The following MALRD1 variants were observed in gnomAD, a reference collection of about 807,000 sequenced individuals.
The protein encoded by MALRD1 is MAM and LDL-receptor class A domain-containing protein 1.
In MALRD1, 247 loss-of-function variants were observed where a neutral mutation model predicts 242.1. The observed-to-expected ratio is 1.02, with a 90% CI of 0.92 to 1.13. MALRD1 has a LOEUF of 1.13. Ranked by LOEUF, MALRD1 falls within the 50% of genes most tolerant of loss-of-function variation. The pLI, the probability that MALRD1 is intolerant of heterozygous loss-of-function variation, is 0.00. For synonymous variants in MALRD1, 995 were observed against 866.6 expected (o/e 1.15, Z -2.60); for missense variants, 2,989 against 2,533.1 (o/e 1.18, Z -3.86).
intron 14 of MALRD1, among the ~76,000 whole-genome samples, chr10:19,191,367 G>A (rs7094873): frequency 0.46 from 70,595 of 151,990 alleles, 16,639 homozygotes; most frequent in Admixed American, 0.51. Context: ...GAGGATGTGG[G>A]AATCAGAACT....
chr10:19,728,887 T>C (rs1445836878), intron 38 of MALRD1, among the ~76,000 whole-genome samples: 1 of 152,150 alleles, frequency 6.6e-6, no homozygotes, highest in African/African-American at 2.4e-5. Context: ...AGACTAGTCT[T>C]GAATAAAGTA....
At chr10:19,138,417 A>T (rs1217004752) in intron 10 of MALRD1, among the ~76,000 whole-genome samples, 4 of 138,056 alleles carry the variant, frequency 2.9e-5, no homozygotes, top group Admixed American at 7.7e-5. Context: ...CTTTCCACGT[A>T]TTTAATTTTT....
intron 5 of MALRD1, among the ~76,000 whole-genome samples, chr10:19,110,356 A>G (rs1836633839): frequency 1.3e-5 from 2 of 152,208 alleles, no homozygotes; most frequent in Non-Finnish European, 1.5e-5. Flanking sequence ...TGGAACATGT[A>G]AAGTTCTCGT....
At chr10:19,669,716 C>T (rs1841826698) in intron 36 of MALRD1, among the ~76,000 whole-genome samples, 1 of 152,064 alleles carries the variant, frequency 6.6e-6, no homozygotes, top group African/African-American at 2.4e-5. Flanking sequence ...GATCATTAAT[C>T]CTCATAACGC....
chr10:19,171,451 T>C (rs1419290570), intron 13 of MALRD1, among the ~76,000 whole-genome samples: 6 of 73,018 alleles, frequency 8.2e-5, no homozygotes, highest in Admixed American at 1.8e-4. Context: ...TATATATATA[T>C]ATATATACAC....
intron 21 of MALRD1, among the ~76,000 whole-genome samples, chr10:19,296,199 T>C (rs1306748706): frequency 6.6e-6 from 1 of 152,130 alleles, no homozygotes; most frequent in East Asian, 1.9e-4. Flanking sequence ...AAATATAGTT[T>C]CTTCATAACT....
intron 33 of MALRD1, among the ~76,000 whole-genome samples, 166 bp downstream of exon 33, chr10:19,567,869 CT>C (rs1836326965): frequency 6.6e-6 from 1 of 152,144 alleles, no homozygotes; most frequent in African/African-American, 2.4e-5. Flanking sequence ...TGCCTATGAA[CT>C]TCGCCATGAA....
intron 33 of MALRD1, among the ~76,000 whole-genome samples, chr10:19,579,857 C>G (rs546966340): frequency 6.6e-6 from 1 of 152,226 alleles, no homozygotes; most frequent in Non-Finnish European, 1.5e-5. Context: ...AATACTGGGC[C>G]TAAAGTTAGA....
At chr10:19,129,950 ATC>A (rs927444456) in intron 8 of MALRD1, among the ~76,000 whole-genome samples, 3 of 150,576 alleles carry the variant, frequency 2.0e-5, no homozygotes, top group African/African-American at 7.3e-5. Context: ...ATATATATAT[ATC>A]TCTATCTCCC....
chr10:19,179,878 C>G (rs928817075), intron 14 of MALRD1, among the ~76,000 whole-genome samples: 1 of 152,058 alleles, frequency 6.6e-6, no homozygotes, highest in Non-Finnish European at 1.5e-5. Flanking sequence ...CTTTAAGAGT[C>G]TCCTTTCAGT....
intron 29 of MALRD1, among the ~76,000 whole-genome samples, chr10:19,467,371 C>A (rs530436502): frequency 6.4e-5 from 5 of 77,826 alleles, no homozygotes; most frequent in African/African-American, 2.0e-4. Context: ...CCAGCCTGGG[C>A]AACACAGCGA....
At chr10:19,679,570 A>C (rs1376740144) in intron 36 of MALRD1, among the ~76,000 whole-genome samples, 1 of 151,638 alleles carries the variant, frequency 6.6e-6, no homozygotes, top group Admixed American at 6.6e-5. Context: ...TAGTCTAGCT[A>C]GTGGTCTATT....
chr10:19,403,674 A>G (rs1054370872), intron 28 of MALRD1, among the ~76,000 whole-genome samples: 3 of 152,080 alleles, frequency 2.0e-5, no homozygotes, highest in Non-Finnish European at 2.9e-5. Flanking sequence ...AGGATTTTAC[A>G]GGTCATATTT....
At chr10:19,334,507 G>A (rs754203312) in intron 24 of MALRD1, among the ~76,000 whole-genome samples, 16 of 151,112 alleles carry the variant, frequency 1.1e-4, no homozygotes, top group African/African-American at 3.4e-4. Flanking sequence ...TAATACATAC[G>A]TATATGAAAA....
rs145821577 is a variant in MALRD1 at position 19,397,656 on chromosome 10, C to T, written c.4845+8047C>T. ...CTGTTTAAATTTTTTTTTGAGGAAC[C>T]GACATACTGTTTTCATAATGGCTGT... On this transcript the variant is annotated intron_variant, in intron 28 of 39. Transcript: ENST00000454679. Among the ~76,000 whole-genome samples, 512 of 152,006 alleles carry T rather than the reference C, an allele frequency of 3.4e-3. 4 individuals are homozygous for T. The highest frequency in any genetic ancestry group is 0.012 in the African/African-American group (492 of 41,466).
At chr10:19,571,677 G>C (rs1836547797) in intron 33 of MALRD1, among the ~76,000 whole-genome samples, 1 of 150,090 alleles carries the variant, frequency 6.7e-6, no homozygotes, top group South Asian at 2.1e-4. Flanking sequence ...AATAAAGCAA[G>C]AAACAGAAAT....
intron 38 of MALRD1, among the ~76,000 whole-genome samples, chr10:19,699,131 C>A (rs1168658957): frequency 1.3e-5 from 2 of 151,942 alleles, no homozygotes; most frequent in Non-Finnish European, 2.9e-5. Context: ...ATGGGTGCAG[C>A]AAACCACCAT....
intron 14 of MALRD1, among the ~76,000 whole-genome samples, chr10:19,179,460 G>T (rs1835402927): frequency 6.6e-6 from 1 of 152,050 alleles, no homozygotes; most frequent in Admixed American, 6.6e-5. Flanking sequence ...GACCAGCCTG[G>T]CCAACATCAC....
intron 2 of MALRD1, among the ~76,000 whole-genome samples, chr10:19,081,156 A>C (rs1259251467): frequency 6.6e-6 from 1 of 152,098 alleles, no homozygotes; most frequent in Non-Finnish European, 1.5e-5. Context: ...AATGCTTTAC[A>C]TAGTGGGTGA....
Sources: allele counts gnomAD v4.1 joint callset (sites outside exome capture counted in the v4.1 genomes callset), GRCh38; gene constraint gnomAD v4.1.1; transcripts MANE v1.5; gene names NCBI Gene and HGNC (gene_info 2026-07-23, HGNC 2026-07-21).